The following NLGN1 variants were observed in gnomAD, a reference collection of about 807,000 sequenced individuals.
The protein encoded by NLGN1 is neuroligin-1.
NLGN1 carries 12 observed loss-of-function variants against 65.5 expected under a neutral mutation model. The observed-to-expected ratio is 0.18, with a 90% CI of 0.12 to 0.30. The LOEUF (loss-of-function observed/expected upper bound fraction) is 0.30. Ranked by LOEUF, NLGN1 falls within the 10% of genes least tolerant of loss-of-function variation. The pLI, the probability that NLGN1 is intolerant of heterozygous loss-of-function variation, is 1.00. For missense variants in NLGN1, 750 were observed against 1,007.1 expected (o/e 0.74, Z 3.46); for synonymous variants, 350 against 359.5 (o/e 0.97, Z 0.30).
intron 4 of NLGN1, among the ~76,000 whole-genome samples, chr3:174,201,941 C>CTTTCATGCA (rs1408002028): frequency 1.4e-4 from 21 of 152,046 alleles, no homozygotes; most frequent in Non-Finnish European, 7.4e-5. Context: ...TTCAAATTTT[C>CTTTCATGCA]TTTCATGCAT....
At chr3:173,570,261 CAG>C (rs1257823512) in intron 2 of NLGN1, among the ~76,000 whole-genome samples, 8 of 152,126 alleles carry the variant, frequency 5.3e-5, no homozygotes, top group African/African-American at 1.7e-4. Flanking sequence ...GCCTTTCAAA[CAG>C]GGAGAAAACC....
intron 4 of NLGN1, among the ~76,000 whole-genome samples, chr3:173,881,363 C>T (rs961653120): frequency 6.7e-6 from 1 of 149,884 alleles, no homozygotes; most frequent in Admixed American, 6.7e-5. Flanking sequence ...TCCCAAATTG[C>T]TGGGATTACA....
chr3:173,458,134 C>T (rs114358297), intron 2 of NLGN1, among the ~76,000 whole-genome samples: 2 of 151,868 alleles, frequency 1.3e-5, no homozygotes, highest in Admixed American at 6.6e-5. Flanking sequence ...AGGTCTGCCT[C>T]AGTGTTAGGA....
intron 2 of NLGN1, among the ~76,000 whole-genome samples, chr3:173,476,414 CTATT>C (rs1189513843): frequency 6.6e-6 from 1 of 152,140 alleles, no homozygotes; most frequent in Non-Finnish European, 1.5e-5. Flanking sequence ...AATTATAAAT[CTATT>C]TATCATCTAT....
chr3:173,553,110 G>A (rs1443703876), intron 2 of NLGN1, among the ~76,000 whole-genome samples: 2 of 152,120 alleles, frequency 1.3e-5, no homozygotes, highest in African/African-American at 4.8e-5. Flanking sequence ...TGACTTTGGA[G>A]CTCCTTATGC....
At chr3:173,683,750 A>AT (rs1277757791) in intron 3 of NLGN1, among the ~76,000 whole-genome samples, 1 of 152,200 alleles carries the variant, frequency 6.6e-6, no homozygotes, top group East Asian at 1.9e-4. Flanking sequence ...GAAACAGATG[A>AT]TAAACTGTGA....
intron 4 of NLGN1, among the ~76,000 whole-genome samples, chr3:174,178,702 T>TC (rs796810458): frequency 6.6e-6 from 1 of 152,210 alleles, no homozygotes; most frequent in South Asian, 2.1e-4. Flanking sequence ...GTATTTTTTT[T>TC]CCAAGATACA....
chr3:173,552,250 T>C (rs1208652229), intron 2 of NLGN1, among the ~76,000 whole-genome samples: 2 of 152,200 alleles, frequency 1.3e-5, no homozygotes, highest in Non-Finnish European at 2.9e-5. Context: ...AGTCAGCCTA[T>C]GGAAATCACT....
chr3:174,208,200 T>C (rs549486464), intron 4 of NLGN1, among the ~76,000 whole-genome samples: 10 of 152,342 alleles, frequency 6.6e-5, no homozygotes, highest in African/African-American at 1.7e-4. Flanking sequence ...AGTCTGACTT[T>C]ACATTCCCAT....
Position 173,933,384 on chromosome 3 carries a change from A to C in NLGN1, c.646+125552A>C, listed in dbSNP as rs73182699. ...CTTTACAATAAGAACCATTTCAGTC[A>C]AGGCCAGAACTTCAAAGGATCTGTG... is the stretch of plus-strand genomic sequence containing the variant. On this transcript the variant is annotated intron_variant, in intron 4 of 6. Transcript: ENST00000457714. Among the ~76,000 whole-genome samples, 387 of 152,242 alleles carry C rather than the reference A, an allele frequency of 2.5e-3. 3 individuals are homozygous for C. Among genetic ancestry groups the C allele is most frequent in the South Asian group, 3.5e-3 (17 of 4,830 alleles).
intron 4 of NLGN1, among the ~76,000 whole-genome samples, chr3:174,080,582 C>A (rs954556847): frequency 6.6e-6 from 1 of 152,030 alleles, no homozygotes; most frequent in African/African-American, 2.4e-5. Context: ...GTTCAGTGGC[C>A]AGTGTGTTTA....
At chr3:173,633,553 A>G (rs548962188) in intron 3 of NLGN1, among the ~76,000 whole-genome samples, 2 of 152,272 alleles carry the variant, frequency 1.3e-5, no homozygotes, top group African/African-American at 4.8e-5. Context: ...AGTTCACCCT[A>G]TGGAAAGAAC....
chr3:173,720,327 G>A (rs1194890396), intron 3 of NLGN1, among the ~76,000 whole-genome samples: 1 of 152,082 alleles, frequency 6.6e-6, no homozygotes, highest in African/African-American at 2.4e-5. Flanking sequence ...TTTGAAACTT[G>A]TTTAAAAATA....
At chr3:173,746,298 A>T (rs900761186) in intron 3 of NLGN1, among the ~76,000 whole-genome samples, 2 of 152,070 alleles carry the variant, frequency 1.3e-5, no homozygotes, top group Admixed American at 6.6e-5. Context: ...AGTTAAAAAA[A>T]TTTATCTCAT....
At chr3:173,791,520 GTTT>G (rs200604296) in intron 3 of NLGN1, among the ~76,000 whole-genome samples, 5,345 of 133,636 alleles carry the variant, frequency 0.04, 162 homozygotes, top group African/African-American at 0.092. Context: ...AGTTTCTTCT[GTTT>G]TTTTTTTTTT....
intron 2 of NLGN1, among the ~76,000 whole-genome samples, chr3:173,594,621 A>G (rs1749132530): frequency 6.6e-6 from 1 of 152,212 alleles, no homozygotes; most frequent in African/African-American, 2.4e-5. Context: ...TCACAGATCC[A>G]CTAGGTGTTT....
At chr3:173,897,548 C>T (rs1157580853) in intron 4 of NLGN1, among the ~76,000 whole-genome samples, 1 of 151,966 alleles carries the variant, frequency 6.6e-6, no homozygotes, top group Non-Finnish European at 1.5e-5. Context: ...CAGCAGTAGG[C>T]CTAGCTTATC....
chr3:173,873,943 G>A (rs1295549134), intron 4 of NLGN1, among the ~76,000 whole-genome samples: 29 of 152,102 alleles, frequency 1.9e-4, no homozygotes, highest in Non-Finnish European at 2.8e-4. Context: ...TATGACTGGT[G>A]CCATTATAAG....
chr3:173,762,757 G>A (rs532764626), intron 3 of NLGN1, among the ~76,000 whole-genome samples: 1 of 152,094 alleles, frequency 6.6e-6, no homozygotes, highest in Admixed American at 6.6e-5. Flanking sequence ...TGACTGCTTA[G>A]TCATCGACGC....
Sources: gnomAD v4.1 joint callset for allele counts (sites outside exome capture counted in the v4.1 genomes callset) on GRCh38, gnomAD v4.1.1 for gene constraint, MANE v1.5 for transcripts, NCBI Gene and HGNC (gene_info 2026-07-23, HGNC 2026-07-21) for gene names.